Variants in CD38 observed in about 807,000 individuals in gnomAD.
CD38 encodes the protein CD38 molecule, also known as ADP-ribosyl cyclase/cyclic ADP-ribose hydrolase 1.
In CD38, 31 loss-of-function variants were observed where a neutral mutation model predicts 36.3. The ratio of observed to expected loss-of-function variants is 0.85; its 90% CI spans 0.64 to 1.15. CD38 has a LOEUF of 1.15. CD38 is among the 50% of genes most tolerant of loss of function. CD38 has a pLI of 0.00. For missense variants in CD38, 380 were observed against 371.9 expected (o/e 1.02, Z -0.18); for synonymous variants, 131 against 135.2 (o/e 0.97, Z 0.22).
At chr4:15,812,434 AC>A (rs1400494635) in intron 1 of CD38, among the ~76,000 whole-genome samples, 1 of 152,218 alleles carries the variant, frequency 6.6e-6, no homozygotes, top group African/African-American at 2.4e-5. Flanking sequence ...ACGGTGGCTC[AC>A]GCCTGTAATC....
At position 15,805,801 on chromosome 4, in the gene CD38, T is replaced by C. The variant is rs547140263; in HGVS notation, c.234-10710T>C. Among the ~76,000 whole-genome samples, 8 of 152,356 alleles carry C rather than the reference T, an allele frequency of 5.3e-5. No homozygotes were observed. The South Asian group carries it at 1.7e-3, about 32-fold the overall frequency. On this transcript the variant is annotated intron_variant, in intron 1 of 7. Coordinates refer to ENST00000226279, the MANE Select transcript of CD38 (RefSeq NM_001775.4). ...CCAGTCACTCACTTCTCCCACAAGG[T>C]GGCAGTCTTTACCTTCAACACAGGT... is the stretch of plus-strand genomic sequence containing the variant.
intron 1 of CD38, among the ~76,000 whole-genome samples, chr4:15,813,451 T>C (rs1723516553): frequency 6.6e-6 from 1 of 152,228 alleles, no homozygotes; most frequent in South Asian, 2.1e-4. Context: ...AATTTTACTT[T>C]AAGTTCTGGG....
At chr4:15,779,055 C>G (rs1032111022) in intron 1 of CD38, among the ~76,000 whole-genome samples, 16 of 152,336 alleles carry the variant, frequency 1.1e-4, no homozygotes, top group Admixed American at 9.8e-4. Flanking sequence ...ACATTTTCAA[C>G]TTTTTCTGCG....
At chr4:15,816,048 T>C (rs1723587520) in intron 1 of CD38, among the ~76,000 whole-genome samples, 1 of 152,152 alleles carries the variant, frequency 6.6e-6, no homozygotes, top group African/African-American at 2.4e-5. Context: ...TTGGTTCTGA[T>C]TATGTGATGG....
intron 1 of CD38, among the ~76,000 whole-genome samples, chr4:15,799,338 C>T (rs1367351395): frequency 6.6e-6 from 1 of 152,142 alleles, no homozygotes. Context: ...CAGTTTATTT[C>T]TGGACTCTCC....
chr4:15,791,792 G>A (rs1278915433), intron 1 of CD38, among the ~76,000 whole-genome samples: 1 of 77,520 alleles, frequency 1.3e-5, no homozygotes, highest in African/African-American at 1.5e-4. Flanking sequence ...CCCCGTCCGG[G>A]AGGGAGGTGG....
At chr4:15,808,223 A>G (rs1344715684) in intron 1 of CD38, among the ~76,000 whole-genome samples, 2 of 152,176 alleles carry the variant, frequency 1.3e-5, no homozygotes, top group African/African-American at 4.8e-5. Context: ...CTGTAGTCCT[A>G]GCCTCCCTCC....
In CD38 at chr4:15,852,682, A is replaced by G. The variant is rs1724413487; in HGVS notation, c.*4080A>G. On this transcript the variant is annotated 3_prime_UTR_variant, in exon 8 of 8. Transcript: ENST00000226279. Reference sequence around the variant, plus strand: ...AGTCATCATTTTAGTATGTATTTTAAGCAATCCACCAAGAACTCAGTAGGC... The same window carrying G: ...AGTCATCATTTTAGTATGTATTTTAGGCAATCCACCAAGAACTCAGTAGGC... The G allele has an allele frequency of 6.6e-6, 1 of 152,150 alleles. No individual in the cohort carries two copies. Among genetic ancestry groups the G allele is most frequent in the South Asian group, 2.1e-4 (1 of 4,820 alleles). The allele number at this position is 152,150 out of a possible 1,614,324, so 9.4% of individuals were successfully genotyped here.
chr4:15,782,138 G>C (rs1021661943), intron 1 of CD38, among the ~76,000 whole-genome samples: 1 of 152,170 alleles, frequency 6.6e-6, no homozygotes, highest in African/African-American at 2.4e-5. Context: ...CTCCCTGGTG[G>C]AGGTGAATTT....
chr4:15,829,500 A>C (rs541603177), intron 3 of CD38, among the ~76,000 whole-genome samples: 171 of 152,326 alleles, frequency 1.1e-3, no homozygotes, highest in Non-Finnish European at 1.8e-3. Flanking sequence ...ATGGGCTGAA[A>C]AAAAATCGCA....
chr4:15,812,134 G>A (rs1364803851), intron 1 of CD38, among the ~76,000 whole-genome samples: 2 of 152,090 alleles, frequency 1.3e-5, no homozygotes, highest in African/African-American at 4.8e-5. Context: ...ATCAGAGTAG[G>A]GCCAGTTAGA....
rs542744155 is a variant in CD38 at position 15,790,446 on chromosome 4, G to A, written c.233+11799G>A. Among the ~76,000 whole-genome samples, 6 of 152,022 alleles carry A rather than the reference G, an allele frequency of 3.9e-5. No homozygotes were observed. In the South Asian group the frequency reaches 6.2e-4, roughly 16 times the overall value. ...GCCGGCCTCGGCCTCCCGAGGTGCC[G>A]GGATTGCGGACGGAGTCTCGTTCAC... On this transcript the variant is annotated intron_variant, in intron 1 of 7. Transcript: ENST00000226279.
chr4:15,787,887 C>T (rs1349621462), intron 1 of CD38, among the ~76,000 whole-genome samples: 4 of 152,176 alleles, frequency 2.6e-5, no homozygotes, highest in South Asian at 4.1e-4. Context: ...GTTGTTCCGC[C>T]GTGCAGGGAG....
rs777142990 is a variant in CD38 at position 15,840,526 on chromosome 4, A to G, written c.827A>G (p.Lys276Arg). The change falls in exon 7 of 8, where the codon AAG (lysine) becomes AGG (arginine). Residue 276 changes from lysine (K) to arginine (R), a missense_variant. Lys to Arg is a conservative substitution (Grantham distance 26). Transcript: ENST00000226279. ...AAAAGGAATATTCAATTTTCCTGCA[A>G]GAATATCTACAGGTAATTAATTTCT... ...ISKRNIQFSC[K>R]NIYRPDKFLQ... 1.3e-6 allele frequency: 2 copies of G among 1,565,598 alleles called. No homozygotes were observed. Among genetic ancestry groups the G allele is most frequent in the African/African-American group, 2.7e-5 (2 of 73,808 alleles).
At chr4:15,795,435 G>A (rs1197938165) in intron 1 of CD38, among the ~76,000 whole-genome samples, 1 of 152,114 alleles carries the variant, frequency 6.6e-6, no homozygotes, top group Non-Finnish European at 1.5e-5. Flanking sequence ...AAGAGTAAAT[G>A]TAGCAAGATG....
At chr4:15,831,437 C>T (rs1723956591) in intron 3 of CD38, among the ~76,000 whole-genome samples, 1 of 152,102 alleles carries the variant, frequency 6.6e-6, no homozygotes, top group South Asian at 2.1e-4. Flanking sequence ...TGAAGTACTC[C>T]CTTTAGCATT....
Position 15,848,888 on chromosome 4 carries a change from A to G in CD38, c.*286A>G, listed in dbSNP as rs960033280. ...AATTCTCATGTGATCCTTTTATGTT[A>G]TTTATATATTGGTAACATCCTTTCT... On this transcript the variant is annotated 3_prime_UTR_variant, in exon 8 of 8. Coordinates refer to ENST00000226279, the MANE Select transcript of CD38 (RefSeq NM_001775.4). The G allele has an allele frequency of 4.0e-6, 1 of 250,012 alleles. No individual in the cohort carries two copies. Among genetic ancestry groups the G allele is most frequent in the Non-Finnish European group, 7.6e-6 (1 of 131,216 alleles). The allele number at this position is 250,012 out of a possible 1,614,324, so 15.5% of individuals were successfully genotyped here.
chr4:15,791,033 C>T (rs1313044552), intron 1 of CD38, among the ~76,000 whole-genome samples: 6 of 138,690 alleles, frequency 4.3e-5, no homozygotes, highest in Non-Finnish European at 9.4e-5. Flanking sequence ...CCACCCCGTC[C>T]GGGAGGGAGG....
intron 5 of CD38, among the ~76,000 whole-genome samples, chr4:15,839,420 T>C (rs948415458): frequency 2.0e-5 from 2 of 100,044 alleles, no homozygotes; most frequent in South Asian, 4.4e-4. Context: ...CATTTCTTTT[T>C]TTTTTTTTTT....
Sources: gnomAD v4.1 joint callset for allele counts (sites outside exome capture counted in the v4.1 genomes callset) on GRCh38, gnomAD v4.1.1 for gene constraint, MANE v1.5 for transcripts, NCBI Gene and HGNC (gene_info 2026-07-23, HGNC 2026-07-21) for gene names.